Variants in PLD1 observed in about 807,000 individuals in gnomAD.
The protein encoded by PLD1 is choline phosphatase 1.
Under a neutral mutation model 137.1 loss-of-function variants are expected in PLD1, and 112 were observed. That is an observed-to-expected ratio of 0.82 (90% CI 0.70 to 0.96). The LOEUF (loss-of-function observed/expected upper bound fraction) is 0.96, where lower values mean the gene tolerates loss of function less well. Among genes scored for constraint, PLD1 ranks in the 40% least tolerant of loss-of-function variants. The pLI is 0.00. For synonymous variants in PLD1, 431 were observed against 454.7 expected (o/e 0.95, Z 0.66); for missense variants, 1,321 against 1,342.0 (o/e 0.98, Z 0.24).
chr3:171,783,008 A>G (rs1454338925), intron 1 of PLD1, among the ~76,000 whole-genome samples: 3 of 152,186 alleles, frequency 2.0e-5, no homozygotes, highest in Non-Finnish European at 4.4e-5. Context: ...GATGGGGGAC[A>G]GATGATGGAT....
chr3:171,791,075 A>G (rs1041112220), intron 1 of PLD1, among the ~76,000 whole-genome samples: 3 of 152,202 alleles, frequency 2.0e-5, no homozygotes, highest in Non-Finnish European at 4.4e-5. Flanking sequence ...GTATTTCTCC[A>G]TGTTTCTGTG....
intron 23 of PLD1, 79 bp from the exon 24 acceptor site, chr3:171,620,599 A>C: frequency 1.2e-6 from 1 of 801,010 alleles, no homozygotes; most frequent in Non-Finnish European, 2.0e-6. Flanking sequence ...TGTTTCTCAA[A>C]ACATACTACT....
At chr3:171,650,502 A>T (rs968857281) in intron 21 of PLD1, among the ~76,000 whole-genome samples, 1 of 152,120 alleles carries the variant, frequency 6.6e-6, no homozygotes, top group Admixed American at 6.5e-5. Flanking sequence ...CCAAAGATCC[A>T]GGGCCCCATA....
chr3:171,645,129 T>C, intron 21 of PLD1, 106 bp from the exon 22 acceptor site: 1 of 743,926 alleles, frequency 1.3e-6, no homozygotes, highest in Non-Finnish European at 2.4e-6. Context: ...AGTGAATGGC[T>C]TCCTACAACA....
At chr3:171,768,860 A>C (rs528925364) in intron 1 of PLD1, among the ~76,000 whole-genome samples, 1 of 152,248 alleles carries the variant, frequency 6.6e-6, no homozygotes, top group African/African-American at 2.4e-5. Flanking sequence ...AAAATTAATT[A>C]GCACAAAACT....
Position 171,687,469 on chromosome 3 carries a change from C to G in PLD1, c.1655G>C (p.Gly552Ala). 1 of 1,614,026 alleles carries G rather than the reference C, an allele frequency of 6.2e-7. No homozygotes were observed. Among genetic ancestry groups the G allele is most frequent in the Non-Finnish European group, 8.5e-7 (1 of 1,179,986 alleles). ...AAATTTGGAGAACTTTCTTGGCTTT[C>G]CTATTCCTTTCAGTTTTGAATCCAC... ...DDVDSKLKGI[G>A]KPRKFSKFSL... The change falls in exon 15 of 27, where the codon GGA (glycine) becomes GCA (alanine). Residue 552 changes from glycine to alanine, a missense_variant. By Grantham distance (60) the Gly-to-Ala change is moderately conservative (BLOSUM62 0). Transcript: ENST00000351298.
rs1723179072 is a variant in PLD1 at position 171,790,669 on chromosome 3, C to A, written c.-32+19730G>T. Among the ~76,000 whole-genome samples, 6 of 152,306 alleles carry A rather than the reference C, an allele frequency of 3.9e-5. No homozygotes were observed. The South Asian group carries it at 1.0e-3, about 26-fold the overall frequency. ...GCCTGCAAAGGAAGCTGGCATGCTC[C>A]TCTTCCTCTATTCTCTGTCTGTAAT... On this transcript the variant is annotated intron_variant, in intron 1 of 26. Transcript: ENST00000351298.
At chr3:171,671,804 G>A (rs1712790066) in intron 19 of PLD1, among the ~76,000 whole-genome samples, 1 of 151,756 alleles carries the variant, frequency 6.6e-6, no homozygotes, top group Non-Finnish European at 1.5e-5. Flanking sequence ...AATCTTTGTG[G>A]AATAGTTATC....
intron 1 of PLD1, among the ~76,000 whole-genome samples, chr3:171,805,858 A>G (rs1263562691): frequency 2.0e-5 from 3 of 152,146 alleles, no homozygotes; most frequent in Non-Finnish European, 4.4e-5. Context: ...GGATCTCACT[A>G]TGCCTCAAAC....
chr3:171,669,046 A>G (rs1419485081), intron 19 of PLD1, among the ~76,000 whole-genome samples: 2 of 152,106 alleles, frequency 1.3e-5, no homozygotes, highest in Admixed American at 6.6e-5. Flanking sequence ...GATTCTTTTA[A>G]AAGTACAGTG....
rs1179926286 is a variant in PLD1, at chr3:171,628,764, G to A, written c.2594-8244C>T. On this transcript the variant is annotated intron_variant, in intron 23 of 26. Coordinates refer to ENST00000351298, the MANE Select transcript of PLD1 (RefSeq NM_002662.5). Reference sequence around the variant, plus strand: ...AAACAGAACCAAAGACAAAAACCACGTGATTATCTCAATAGATGCAGAAAA... The same window carrying A: ...AAACAGAACCAAAGACAAAAACCACATGATTATCTCAATAGATGCAGAAAA... 3.8e-4 allele frequency among the ~76,000 whole-genome samples: 57 copies of A among 151,930 alleles called. No homozygotes were observed. The East Asian group carries it at 7.5e-3, about 20-fold the overall frequency.
At chr3:171,732,664 T>C (rs192426112) in intron 6 of PLD1, among the ~76,000 whole-genome samples, 9 of 152,238 alleles carry the variant, frequency 5.9e-5, no homozygotes, top group Non-Finnish European at 1.3e-4. Flanking sequence ...GTTCTGCACA[T>C]ATATAATATA....
intron 1 of PLD1, among the ~76,000 whole-genome samples, chr3:171,762,738 T>C (rs193266521): frequency 6.6e-6 from 1 of 152,034 alleles, no homozygotes; most frequent in Admixed American, 6.5e-5. Context: ...AGCAAGAAAG[T>C]GAGTTAGGTG....
At chr3:171,737,145 G>C (rs930102359) in intron 3 of PLD1, among the ~76,000 whole-genome samples, 3 of 152,184 alleles carry the variant, frequency 2.0e-5, no homozygotes, top group Admixed American at 2.0e-4. Context: ...TAAACATTAG[G>C]AAAGCTAAAA....
intron 23 of PLD1, among the ~76,000 whole-genome samples, chr3:171,628,450 C>A (rs1734338431): frequency 6.6e-6 from 1 of 152,118 alleles, no homozygotes; most frequent in Non-Finnish European, 1.5e-5. Context: ...GAACTGGTAC[C>A]ATTCCTTCTG....
intron 1 of PLD1, among the ~76,000 whole-genome samples, chr3:171,758,504 C>T (rs1721182464): frequency 6.6e-6 from 1 of 152,196 alleles, no homozygotes; most frequent in Non-Finnish European, 1.5e-5. Context: ...GAGTGTGGTC[C>T]ATGGACTAGC....
At chr3:171,607,078 A>T (rs1278827440) in intron 25 of PLD1, among the ~76,000 whole-genome samples, 11 of 152,154 alleles carry the variant, frequency 7.2e-5, no homozygotes, top group Admixed American at 2.6e-4. Context: ...CTGTATAAAA[A>T]TTTTTTTAAA....
chr3:171,610,625 G>A (rs575753330), intron 25 of PLD1, among the ~76,000 whole-genome samples: 1 of 152,222 alleles, frequency 6.6e-6, no homozygotes, highest in Non-Finnish European at 1.5e-5. Flanking sequence ...AAGTTCTTAC[G>A]GAACTGAAAA....
chr3:171,638,911 G>T (rs1735395662), intron 23 of PLD1, among the ~76,000 whole-genome samples: 1 of 152,084 alleles, frequency 6.6e-6, no homozygotes, highest in Non-Finnish European at 1.5e-5. Context: ...TCAAGAGACA[G>T]ATGGAAAAAG....
Sources: gnomAD v4.1 joint callset for allele counts (sites outside exome capture counted in the v4.1 genomes callset) on GRCh38, gnomAD v4.1.1 for gene constraint, MANE v1.5 for transcripts, NCBI Gene and HGNC (gene_info 2026-07-23, HGNC 2026-07-21) for gene names.